CDH10: variants seen among roughly 807,000 people sequenced by gnomAD.
CDH10 encodes cadherin-10.
A neutral mutation model predicts 73.1 loss-of-function variants in CDH10; 30 were observed. The ratio of observed to expected loss-of-function variants is 0.41; its 90% CI spans 0.31 to 0.56. CDH10 has a LOEUF of 0.56. Among genes scored for constraint, CDH10 ranks in the 20% least tolerant of loss-of-function variants. The probability of loss-of-function intolerance (pLI) is 0.27; values close to 1 mark genes in which losing one functional copy is unlikely to be tolerated. For missense variants in CDH10, 815 were observed against 973.7 expected (o/e 0.84, Z 2.17); for synonymous variants, 345 against 348.2 (o/e 0.99, Z 0.10).
intron 5 of CDH10, among the ~76,000 whole-genome samples, chr5:24,528,464 G>T (rs943033161): frequency 1.3e-5 from 2 of 151,874 alleles, no homozygotes; most frequent in African/African-American, 4.8e-5. Flanking sequence ...TCTTGTACCA[G>T]GCAGGGATTA....
intron 1 of CDH10, among the ~76,000 whole-genome samples, chr5:24,631,647 C>T (rs543296354): frequency 2.6e-5 from 4 of 151,996 alleles, no homozygotes; most frequent in Non-Finnish European, 5.9e-5. Flanking sequence ...TTTCCTGAAA[C>T]TCCAATCATA....
At position 24,587,066 on chromosome 5, in the gene CDH10, G is replaced by A. The variant is rs1000873423; in HGVS notation, c.231+6194C>T. Among the ~76,000 whole-genome samples, 17 of 151,288 alleles carry A rather than the reference G, an allele frequency of 1.1e-4. No individual in the cohort carries two copies. In the South Asian group the frequency reaches 3.1e-3, roughly 28 times the overall value. On this transcript the variant is annotated intron_variant, in intron 2 of 11. Coordinates refer to ENST00000264463, the MANE Select transcript of CDH10 (RefSeq NM_006727.5). The stretch of plus-strand genomic sequence containing the variant: ...TCATCGTGTTAGCCAGAATGGTCTC[G>A]ATCTCCTGACCTCGTGATCTGCCCG...
In CDH10 at chr5:24,491,559, T is replaced by A. The variant is rs2111635389; in HGVS notation, c.1876+17A>T. On this transcript the variant is annotated intron_variant, in intron 11 of 11. Coordinates refer to ENST00000264463, the MANE Select transcript of CDH10 (RefSeq NM_006727.5). The stretch of plus-strand genomic sequence containing the variant: ...AAGAGCCTAGAAAATGCTCCCATTG[T>A]TTTTAAGGTTTCTTACCCAGTAGAA... 6.3e-7 allele frequency: 1 copy of A among 1,592,720 alleles called. No homozygotes were observed.
At chr5:24,552,577 C>T (rs1744585758) in intron 2 of CDH10, among the ~76,000 whole-genome samples, 1 of 151,816 alleles carries the variant, frequency 6.6e-6, no homozygotes. Context: ...TCATTAATTT[C>T]GAACTTTGTC....
At chr5:24,490,621 G>A (rs1262820556) in intron 11 of CDH10, among the ~76,000 whole-genome samples, 1 of 152,160 alleles carries the variant, frequency 6.6e-6, no homozygotes, top group Non-Finnish European at 1.5e-5. Context: ...GAATGAAGTA[G>A]ACATAATTAA....
intron 5 of CDH10, among the ~76,000 whole-genome samples, chr5:24,521,687 G>C (rs930500000): frequency 6.6e-6 from 1 of 152,084 alleles, no homozygotes; most frequent in Non-Finnish European, 1.5e-5. Context: ...CAGCATATTT[G>C]ATATTAAACC....
At chr5:24,547,850 G>T (rs540216641) in intron 2 of CDH10, among the ~76,000 whole-genome samples, 2 of 152,146 alleles carry the variant, frequency 1.3e-5, no homozygotes, top group African/African-American at 4.8e-5. Flanking sequence ...AATGGCCATC[G>T]CTCAGGAGAA....
intron 9 of CDH10, among the ~76,000 whole-genome samples, chr5:24,496,001 AT>A (rs1344480486): frequency 1.3e-5 from 2 of 152,122 alleles, no homozygotes; most frequent in Non-Finnish European, 2.9e-5. Flanking sequence ...CAGTGATCAT[AT>A]TATTATGGTG....
intron 5 of CDH10, among the ~76,000 whole-genome samples, chr5:24,519,992 C>T (rs901366231): frequency 2.0e-5 from 3 of 152,196 alleles, no homozygotes; most frequent in African/African-American, 7.2e-5. Context: ...CATCTCCTCC[C>T]TGTGTGTTCA....
At chr5:24,570,646 T>C in intron 2 of CDH10, among the ~76,000 whole-genome samples, 1 of 132,746 alleles carries the variant, frequency 7.5e-6, no homozygotes, top group Non-Finnish European at 1.8e-5. Flanking sequence ...GTTACCTTAC[T>C]GTAAAATATA....
intron 5 of CDH10, among the ~76,000 whole-genome samples, chr5:24,516,868 T>C (rs751693644): frequency 1.3e-5 from 2 of 151,674 alleles, no homozygotes; most frequent in Non-Finnish European, 2.9e-5. Context: ...GAACCATAAT[T>C]GTTTCATATA....
At chr5:24,607,303 A>T (rs1219424444) in intron 1 of CDH10, among the ~76,000 whole-genome samples, 3 of 152,212 alleles carry the variant, frequency 2.0e-5, no homozygotes, top group Non-Finnish European at 4.4e-5. Flanking sequence ...AGACAGGCAC[A>T]AGGGTGGGAG....
intron 11 of CDH10, among the ~76,000 whole-genome samples, chr5:24,488,477 A>G (rs1741925829): frequency 6.6e-6 from 1 of 152,170 alleles, no homozygotes. Flanking sequence ...TTCTGCATTA[A>G]ATAAGGAACA....
intron 1 of CDH10, among the ~76,000 whole-genome samples, chr5:24,602,208 C>A (rs373109394): frequency 6.6e-6 from 1 of 152,118 alleles, no homozygotes. Context: ...AGCTTTCAGA[C>A]ATTACAAGAG....
intron 6 of CDH10, among the ~76,000 whole-genome samples, chr5:24,511,033 T>A (rs763341530): frequency 5.9e-5 from 9 of 152,190 alleles, no homozygotes; most frequent in Non-Finnish European, 1.0e-4. Flanking sequence ...AATAAAACAA[T>A]GTGATTATGA....
intron 2 of CDH10, among the ~76,000 whole-genome samples, chr5:24,540,367 A>G (rs1453233744): frequency 6.6e-6 from 1 of 152,022 alleles, no homozygotes; most frequent in African/African-American, 2.4e-5. Flanking sequence ...TCAGTTAGAC[A>G]TGCAAAAAAG....
chr5:24,487,735 G>A lies in CDH10; in HGVS notation c.2295C>T (p.Leu765=), dbSNP rs1741891866. Residue 765 remains leucine, a synonymous_variant, in exon 12 of 12, where the codon CTC becomes CTT. Transcript: ENST00000264463. ...TATTAAACCGAGGGCCCCATTCTCG[G>A]AGGTAATCGTAGTTTTGGTCTCCTT... ...TTEGDQNYDY[L]REWGPRFNKL... 5.6e-6 allele frequency: 9 copies of A among 1,613,730 alleles called. No homozygotes were observed. The highest frequency in any genetic ancestry group is 7.6e-6 in the Non-Finnish European group (9 of 1,179,840).
intron 1 of CDH10, among the ~76,000 whole-genome samples, chr5:24,609,343 C>G (rs550815229): frequency 6.6e-6 from 1 of 152,112 alleles, no homozygotes; most frequent in Non-Finnish European, 1.5e-5. Context: ...AGAAGAAGCA[C>G]AGGCTGCGTG....
chr5:24,522,154 AAAAC>A lies in CDH10; in HGVS notation c.815-10644_815-10641del, dbSNP rs796503877. Among the ~76,000 whole-genome samples, 30 of 113,056 alleles carry A rather than the reference AAAAC, an allele frequency of 2.7e-4. No homozygotes were observed. In the South Asian group the frequency reaches 3.0e-3, roughly 11 times the overall value. 74.2% of individuals were successfully genotyped at this position (113,056 alleles called of 152,430 possible). A position where few individuals can be genotyped will look rare whatever the true frequency, so the allele number is the denominator to read the frequency against. ...CTCAAAAACAAACCAAAAAACAAAC[AAAAC>A]AAACAAACAAACAAAAAAAACTAAT... On this transcript the variant is annotated intron_variant, in intron 5 of 11. Coordinates refer to ENST00000264463, the MANE Select transcript of CDH10 (RefSeq NM_006727.5).
Sources: gnomAD v4.1 joint callset for allele counts (sites outside exome capture counted in the v4.1 genomes callset) on GRCh38, gnomAD v4.1.1 for gene constraint, MANE v1.5 for transcripts, NCBI Gene and HGNC (gene_info 2026-07-23, HGNC 2026-07-21) for gene names.